Variants in MINK1 observed in about 807,000 individuals in gnomAD.
MINK1 encodes the protein misshapen-like kinase 1.
In MINK1, 46 loss-of-function variants were observed where a neutral mutation model predicts 178.4. The ratio of observed to expected loss-of-function variants is 0.26; its 90% confidence interval spans 0.20 to 0.33. The LOEUF is 0.33. Ranked by LOEUF, MINK1 falls within the 10% of genes least tolerant of loss-of-function variation. The pLI is 1.00. For missense variants in MINK1, 1,366 were observed against 1,814.9 expected (o/e 0.75, Z 4.49); for synonymous variants, 797 against 709.7 (o/e 1.12, Z -1.96).
intron 13 of MINK1, 79 bp from the exon 14 acceptor site, chr17:4,890,438 G>A: frequency 6.6e-7 from 1 of 1,511,112 alleles, no homozygotes; most frequent in Non-Finnish European, 8.9e-7. Context: ...CTAGGCAGTT[G>A]GAGAAAAGAG....
intron 1 of MINK1, among the ~76,000 whole-genome samples, chr17:4,864,292 G>A (rs112477024): frequency 1.3e-5 from 2 of 151,704 alleles, no homozygotes; most frequent in African/African-American, 2.4e-5. Flanking sequence ...CCAGCTACTC[G>A]GGAGGCTGAG....
In MINK1 at chr17:4,897,422, G is replaced by A. The variant is rs970100355; in HGVS notation, c.*135G>A. 4.2e-5 allele frequency: 31 copies of A among 739,668 alleles called. No individual in the cohort carries two copies. The highest frequency in any genetic ancestry group is 1.8e-4 in the South Asian group (10 of 56,014). 45.8% of individuals were successfully genotyped at this position (739,668 alleles called of 1,614,324 possible). ...GATTTCACTGGAGCCTGCTGGGAACGTGACCTCTGACCCCTGATGCTTTCG... is the reference window on the plus strand; with the variant it reads ...GATTTCACTGGAGCCTGCTGGGAACATGACCTCTGACCCCTGATGCTTTCG... On this transcript the variant is annotated 3_prime_UTR_variant, in exon 32 of 32. Transcript: ENST00000355280.
At chr17:4,874,690 G>A (rs947787268) in intron 1 of MINK1, among the ~76,000 whole-genome samples, 22 of 152,118 alleles carry the variant, frequency 1.4e-4, no homozygotes, top group African/African-American at 5.1e-4. Flanking sequence ...TTGAAACATG[G>A]AGCATCTGGG....
At chr17:4,867,264 C>A (rs1915173341) in intron 1 of MINK1, among the ~76,000 whole-genome samples, 1 of 146,202 alleles carries the variant, frequency 6.8e-6, no homozygotes, top group African/African-American at 2.5e-5. Flanking sequence ...CCTCCTATCT[C>A]AGTCTCCTGA....
At chr17:4,873,617 CTTTTTTT>C (rs71367860) in intron 1 of MINK1, among the ~76,000 whole-genome samples, 4 of 108,086 alleles carry the variant, frequency 3.7e-5, no homozygotes. Context: ...TTTTTCTTTT[CTTTTTTT>C]TTTTTTTTTT....
intron 1 of MINK1, among the ~76,000 whole-genome samples, chr17:4,854,136 GA>G (rs1912645309): frequency 1.3e-5 from 2 of 152,104 alleles, no homozygotes; most frequent in African/African-American, 4.8e-5. Flanking sequence ...CTCAGCATCA[GA>G]AAGGGACCAT....
chr17:4,875,111 C>G (rs1281156158), intron 1 of MINK1: 1 of 520,022 alleles, frequency 1.9e-6, no homozygotes, highest in Non-Finnish European at 3.8e-6. Context: ...GTTCAGACGC[C>G]CCGGAATGGA....
intron 1 of MINK1, among the ~76,000 whole-genome samples, chr17:4,845,893 T>C (rs142414814): frequency 0.012 from 1,843 of 152,274 alleles, 24 homozygotes; most frequent in African/African-American, 0.038. Context: ...CCACCTGCCT[T>C]GGCCTCCCAA....
chr17:4,842,603 A>C (rs1910419352), intron 1 of MINK1, among the ~76,000 whole-genome samples: 1 of 152,060 alleles, frequency 6.6e-6, no homozygotes. Context: ...TCTTTTCACC[A>C]CCCACCCACT....
At position 4,894,743 on chromosome 17, in the gene MINK1, C is replaced by A; in HGVS notation, c.2917+110C>A. The A allele has an allele frequency of 1.2e-6, 1 of 844,174 alleles. No individual in the cohort carries two copies. The highest frequency in any genetic ancestry group is 1.9e-6 in the Non-Finnish European group (1 of 523,090). The allele number at this position is 844,174 out of a possible 1,614,324, so 52.3% of individuals were successfully genotyped here. A position where few individuals can be genotyped will look rare whatever the true frequency, so the allele number is the denominator to read the frequency against. ...CACAAAGCATAGCCACAGGACCTCT[C>A]CCTTGGGCCCTAGCACCTGCCTGGG... is the stretch of plus-strand genomic sequence containing the variant. On this transcript the variant is annotated intron_variant, in intron 24 of 31. Transcript: ENST00000355280. The surrounding 1 kb of genome is among the most constrained non-coding windows in gnomAD (Gnocchi z 4.1).
intron 1 of MINK1, among the ~76,000 whole-genome samples, chr17:4,847,982 G>A (rs544680087): frequency 2.0e-5 from 3 of 152,240 alleles, no homozygotes; most frequent in South Asian, 2.1e-4. Flanking sequence ...AGTAGCTTGA[G>A]ACCAGCCTGG....
rs140149222 is a variant in MINK1, at chr17:4,876,438, GA to G, written c.58-1874del. Reference sequence around the variant, plus strand: ...TCTCCAGCTCCTCTTTGAGAAAATGGAAAAAGTGCACAGTGAGGACATTTTT... The same window carrying G: ...TCTCCAGCTCCTCTTTGAGAAAATGGAAAAGTGCACAGTGAGGACATTTTT... On this transcript the variant is annotated intron_variant, in intron 1 of 31. Coordinates refer to ENST00000355280, the MANE Select transcript of MINK1 (RefSeq NM_153827.5). 4.5e-3 allele frequency among the ~76,000 whole-genome samples: 688 copies of G among 152,274 alleles called. 3 individuals are homozygous for G. Among genetic ancestry groups the G allele is most frequent in the Middle Eastern group, 0.014 (4 of 294 alleles).
At chr17:4,834,981 G>A (rs868114533) in intron 1 of MINK1, among the ~76,000 whole-genome samples, 3 of 152,136 alleles carry the variant, frequency 2.0e-5, no homozygotes, top group Non-Finnish European at 4.4e-5. Flanking sequence ...CCATTTTCAG[G>A]TCATAATTTG....
At chr17:4,859,155 C>T in intron 1 of MINK1, 1 of 985,458 alleles carries the variant, frequency 1.0e-6, no homozygotes, top group Non-Finnish European at 1.2e-6. Flanking sequence ...CCAGTCCTTC[C>T]TTGTCTCCAC....
chr17:4,892,995 C>A lies in MINK1; in HGVS notation c.2328C>A (p.Asp776Glu). 1 of 1,576,860 alleles carries A rather than the reference C, an allele frequency of 6.3e-7. No homozygotes were observed. The highest frequency in any genetic ancestry group is 8.6e-7 in the Non-Finnish European group (1 of 1,162,696). ...RNRVGVSSKPDSSPVLSPGNK... is the reference protein window; with the variant it reads ...RNRVGVSSKPESSPVLSPGNK... ...GCCGTCCAGTCTCCTCCAAACCGGA[C>A]AGCTCCCCTGTGCTCTCCCCTGGGA... is the stretch of plus-strand genomic sequence containing the variant. Residue 776 changes from aspartate to glutamate, a missense_variant, in exon 20 of 32, where the codon GAC becomes GAA. Physicochemically the swap from Asp to Glu is conservative, Grantham distance 45. Around this residue, in one of 14 missense-constraint regions of MINK1, gnomAD observed 709 missense variants for 692.3 expected, o/e 1.02. Coordinates refer to ENST00000355280, the MANE Select transcript of MINK1 (RefSeq NM_153827.5).
chr17:4,890,878 G>C lies in MINK1; in HGVS notation c.1567-73G>C, dbSNP rs1330040826. Reference sequence around the variant, plus strand: ...ACAGAGCATAGGGCGGGAGTAGTTAGGGCAGGTGGGACCCTCAGTTTTGAG... The same window carrying C: ...ACAGAGCATAGGGCGGGAGTAGTTACGGCAGGTGGGACCCTCAGTTTTGAG... On this transcript the variant is annotated intron_variant, in intron 14 of 31. Transcript: ENST00000355280. The C allele has an allele frequency of 1.2e-5, 19 of 1,542,212 alleles. No homozygotes were observed. In the Admixed American group the frequency reaches 3.5e-4, roughly 29 times the overall value.
At position 4,886,401 on chromosome 17, in the gene MINK1, C is replaced by T. The variant is rs1968201347; in HGVS notation, c.774-50C>T. ...AATGATCCACCCTCTTCCTCCTGCACCCATCCCTTCTGAGGGGACCCTCCC... is the reference window on the plus strand; with the variant it reads ...AATGATCCACCCTCTTCCTCCTGCATCCATCCCTTCTGAGGGGACCCTCCC... On this transcript the variant is annotated intron_variant, in intron 9 of 31. Coordinates refer to ENST00000355280, the MANE Select transcript of MINK1 (RefSeq NM_153827.5). This position sits in a 1 kb window ranked among gnomAD's most constrained non-coding sequence, Gnocchi z 6.1. 1 of 1,567,854 alleles carries T rather than the reference C, an allele frequency of 6.4e-7. No homozygotes were observed. Among genetic ancestry groups the T allele is most frequent in the South Asian group, 1.2e-5 (1 of 83,732 alleles).
intron 1 of MINK1, chr17:4,857,489 T>TG (rs1281108672): frequency 3.4e-5 from 4 of 117,696 alleles, no homozygotes; most frequent in African/African-American, 1.3e-4. Flanking sequence ...TTTTTTGAGA[T>TG]GGAGTGTCAC....
chr17:4,886,715 C>T lies in MINK1; in HGVS notation c.949+89C>T, dbSNP rs1394913161. On this transcript the variant is annotated intron_variant, in intron 10 of 31. Coordinates refer to ENST00000355280, the MANE Select transcript of MINK1 (RefSeq NM_153827.5). The surrounding 1 kb of genome is among the most constrained non-coding windows in gnomAD (Gnocchi z 6.1). ...GCCCTGCTCGCTCCTGGCACCCCTT[C>T]CTGCTCCCCTCCTTGGCCCCAGCTC... is the stretch of plus-strand genomic sequence containing the variant. 3 of 1,355,526 alleles carry T rather than the reference C, an allele frequency of 2.2e-6. No homozygotes were observed. The highest frequency in any genetic ancestry group is 2.9e-6 in the Non-Finnish European group (3 of 1,022,118). 84.0% of individuals were successfully genotyped at this position (1,355,526 alleles called of 1,614,324 possible). A position where few individuals can be genotyped will look rare whatever the true frequency, so the allele number is the denominator to read the frequency against.
Sources: gnomAD v4.1 joint callset for allele counts (sites outside exome capture counted in the v4.1 genomes callset) on GRCh38, gnomAD v4.1.1 for gene constraint, gnomAD v4.1.1 regional missense constraint, Gnocchi (gnomAD v3.1) non-coding constraint, MANE v1.5 for transcripts, NCBI Gene and HGNC (gene_info 2026-07-23, HGNC 2026-07-21) for gene names.